ITPR2: variants seen among roughly 807,000 people sequenced by gnomAD.
The protein encoded by ITPR2 is inositol 1,4,5-trisphosphate-gated calcium channel ITPR2.
In ITPR2, 207 loss-of-function variants were observed where a neutral mutation model predicts 317.1. The ratio of observed to expected loss-of-function variants is 0.65; its 90% confidence interval spans 0.58 to 0.73. ITPR2 has a LOEUF of 0.73. Ranked by LOEUF, ITPR2 falls within the 30% of genes least tolerant of loss-of-function variation. ITPR2 has a pLI of 0.00. For synonymous variants in ITPR2, 1,156 were observed against 1,149.1 expected, an observed-to-expected ratio of 1.01 and a Z score of -0.12; for missense variants, 2,613 against 3,284.0, an observed-to-expected ratio of 0.80 and a Z score of 4.99.
chr12:26,556,711 T>C (rs1944673356), intron 35 of ITPR2, among the ~76,000 whole-genome samples: 1 of 147,470 alleles, frequency 6.8e-6, no homozygotes, highest in East Asian at 2.0e-4. Flanking sequence ...AGGATTATAA[T>C]GGAGACATGA....
At chr12:26,754,623 C>T (rs1219788044) in intron 2 of ITPR2, among the ~76,000 whole-genome samples, 1 of 152,148 alleles carries the variant, frequency 6.6e-6, no homozygotes, top group African/African-American at 2.4e-5. Context: ...GTTTAGAGAG[C>T]TACAGGATTG....
At chr12:26,501,994 T>G (rs1187898220) in intron 37 of ITPR2, among the ~76,000 whole-genome samples, 1 of 152,194 alleles carries the variant, frequency 6.6e-6, no homozygotes, top group Non-Finnish European at 1.5e-5. Flanking sequence ...AAAGAGTGAC[T>G]TCAATAACCA....
chr12:26,387,160 G>A (rs907351798), intron 55 of ITPR2, among the ~76,000 whole-genome samples: 8 of 152,182 alleles, frequency 5.3e-5, no homozygotes, highest in African/African-American at 1.9e-4. Context: ...AGAAGGTGAT[G>A]AACATAACTG....
At chr12:26,666,276 T>A (rs1480887138) in intron 13 of ITPR2, among the ~76,000 whole-genome samples, 7 of 152,182 alleles carry the variant, frequency 4.6e-5, no homozygotes. Context: ...AAAAAGTATT[T>A]AATTGACAAA....
At chr12:26,435,894 T>C (rs1354532584) in intron 48 of ITPR2, among the ~76,000 whole-genome samples, 6 of 152,294 alleles carry the variant, frequency 3.9e-5, no homozygotes, top group Middle Eastern at 3.4e-3. Flanking sequence ...ACAATTAATA[T>C]TGGGCACAGA....
intron 48 of ITPR2, among the ~76,000 whole-genome samples, chr12:26,434,418 C>T (rs1941297839): frequency 6.6e-6 from 1 of 152,166 alleles, no homozygotes; most frequent in Non-Finnish European, 1.5e-5. Flanking sequence ...GCAAGTATTA[C>T]AAATACCATG....
chr12:26,427,425 A>G (rs16930620), intron 49 of ITPR2, among the ~76,000 whole-genome samples: 2,011 of 152,282 alleles, frequency 0.013, 44 homozygotes, highest in African/African-American at 0.045. Context: ...CCTATCTATG[A>G]CTTTCATCAG....
chr12:26,451,263 T>G (rs1416718202), intron 45 of ITPR2, among the ~76,000 whole-genome samples: 1 of 151,950 alleles, frequency 6.6e-6, no homozygotes, highest in Admixed American at 6.6e-5. Flanking sequence ...CACAGACTCT[T>G]GAGTACCCTG....
chr12:26,560,222 C>T (rs890554632), intron 35 of ITPR2, among the ~76,000 whole-genome samples: 1 of 152,170 alleles, frequency 6.6e-6, no homozygotes, highest in Non-Finnish European at 1.5e-5. Context: ...GATCCTCCTC[C>T]TTTCTGACCC....
chr12:26,508,271 A>G (rs1943242625), intron 37 of ITPR2, among the ~76,000 whole-genome samples: 1 of 152,148 alleles, frequency 6.6e-6, no homozygotes, highest in African/African-American at 2.4e-5. Flanking sequence ...ACTATATTGA[A>G]CGAAAAAATA....
At chr12:26,550,501 C>A in intron 36 of ITPR2, 146 bp from the exon 37 acceptor site, 1 of 570,188 alleles carries the variant, frequency 1.8e-6, no homozygotes, top group Non-Finnish European at 3.1e-6. Flanking sequence ...GTTTTAAGAT[C>A]ACACTTCAGC....
At position 26,487,089 on chromosome 12, in the gene ITPR2, T is replaced by G; in HGVS notation, c.5533A>C (p.Thr1845Pro). 9 of 1,611,954 alleles carry G rather than the reference T, an allele frequency of 5.6e-6. No individual in the cohort carries two copies. The highest frequency in any genetic ancestry group is 7.6e-6 in the Non-Finnish European group (9 of 1,179,162). Residue 1845 changes from threonine to proline, a missense_variant, in exon 40 of 57, where the codon ACA becomes CCA. Thr to Pro is a conservative substitution (Grantham distance 38). This residue lies in a region of ITPR2 where 926 missense variants were observed against 1,072.8 expected (regional missense o/e 0.86). Coordinates refer to ENST00000381340, the MANE Select transcript of ITPR2 (RefSeq NM_002223.4). ...TTACCTCTCATTCGTGGACCAGATG[T>G]CATCAATTCATTGTCATCGTCCCTT... ...KKRDDDNELM[T>P]SGPRMRVRDS...
chr12:26,596,244 C>T (rs973978367), intron 31 of ITPR2, among the ~76,000 whole-genome samples: 16 of 152,228 alleles, frequency 1.1e-4, no homozygotes, highest in African/African-American at 3.9e-4. Flanking sequence ...TGCTCAAGTA[C>T]ATACTAAAGT....
At chr12:26,440,924 A>G (rs1336486461) in intron 46 of ITPR2, among the ~76,000 whole-genome samples, 1 of 152,182 alleles carries the variant, frequency 6.6e-6, no homozygotes, top group Non-Finnish European at 1.5e-5. Context: ...TGTTAACCGC[A>G]AAAAGCCAGA....
At chr12:26,567,937 GTATATATATATATTA>G (rs1224103454) in intron 34 of ITPR2, among the ~76,000 whole-genome samples, 4 of 62,236 alleles carry the variant, frequency 6.4e-5, no homozygotes, top group African/African-American at 2.4e-4. Context: ...AAAAATTCTG[GTATATATATATATTA>G]TATATATATA....
rs371628924 is a variant in ITPR2 at position 26,592,870 on chromosome 12, T to C, written c.4380+2595A>G. On this transcript the variant is annotated intron_variant, in intron 32 of 56. Coordinates refer to ENST00000381340, the MANE Select transcript of ITPR2 (RefSeq NM_002223.4). ...ATGGACATAATTTCTAGTTTTTCCC[T>C]ATGCTGAATGGTCCTCTGGATACAA... Among the ~76,000 whole-genome samples, 4 of 152,348 alleles carry C rather than the reference T, an allele frequency of 2.6e-5. 1 individual carries two copies. Among genetic ancestry groups the C allele is most frequent in the African/African-American group, 9.6e-5 (4 of 41,582 alleles).
At position 26,381,540 on chromosome 12, in the gene ITPR2, A is replaced by C. The variant is rs947415157; in HGVS notation, c.7857+5894T>G. ...GATATTACCTGCCCTGGTATTGTGCATAACAAAGATTTTCTCTATACCTGA... is the reference window on the plus strand; with the variant it reads ...GATATTACCTGCCCTGGTATTGTGCCTAACAAAGATTTTCTCTATACCTGA... On this transcript the variant is annotated intron_variant, in intron 55 of 56. Coordinates refer to ENST00000381340, the MANE Select transcript of ITPR2 (RefSeq NM_002223.4). 9.8e-5 allele frequency among the ~76,000 whole-genome samples: 15 copies of C among 152,358 alleles called. 1 individual carries two copies. In the South Asian group the frequency reaches 2.1e-3, roughly 21 times the overall value.
intron 56 of ITPR2, 150 bp downstream of exon 56, chr12:26,340,017 T>A: frequency 1.6e-6 from 1 of 612,158 alleles, no homozygotes; most frequent in Non-Finnish European, 2.6e-6. Context: ...TTTGCTGGGA[T>A]GTGGTTCTAC....
rs567172520 is a variant in ITPR2, at chr12:26,361,069, G to C, written c.7858-20741C>G. On this transcript the variant is annotated intron_variant, in intron 55 of 56. Transcript: ENST00000381340. ...TCTCTACTAAAAATACAAAAAATTA[G>C]CTGGGCATGGTAGCGAGCGCCTGTA... Among the ~76,000 whole-genome samples, 4 of 152,182 alleles carry C rather than the reference G, an allele frequency of 2.6e-5. No individual in the cohort carries two copies. In the South Asian group the frequency reaches 8.3e-4, roughly 32 times the overall value.
Sources: gnomAD v4.1 joint callset for allele counts (sites outside exome capture counted in the v4.1 genomes callset) on GRCh38, gnomAD v4.1.1 for gene constraint, gnomAD v4.1.1 regional missense constraint, MANE v1.5 for transcripts, NCBI Gene and HGNC (gene_info 2026-07-23, HGNC 2026-07-21) for gene names.